The following CCDC22 variants were observed in gnomAD, a reference collection of about 807,000 sequenced individuals.
CCDC22 encodes coiled-coil domain-containing protein 22.
A neutral mutation model predicts 53.1 loss-of-function variants in CCDC22; 4 were observed. That is an observed-to-expected ratio of 0.08 (90% CI 0.04 to 0.17). The LOEUF is 0.17. Ranked by LOEUF, CCDC22 falls within the 10% of genes least tolerant of loss-of-function variation. The pLI, the probability that CCDC22 is intolerant of heterozygous loss-of-function variation, is 1.00. For synonymous variants in CCDC22, 222 were observed against 224.4 expected (o/e 0.99, Z 0.10); for missense variants, 458 against 554.0 (o/e 0.83, Z 1.74).
rs782234646 is a variant in CCDC22 at position 49,248,636 on chromosome X, G to C, written c.1333G>C (p.Glu445Gln). 5 of 1,207,466 alleles carry C rather than the reference G, an allele frequency of 4.1e-6. No individual in the cohort carries two copies. Among genetic ancestry groups the C allele is most frequent in the Non-Finnish European group, 5.6e-6 (5 of 894,056 alleles). ...LRKLQDCREL[E>Q]SSRRLAEIQE... Reference sequence around the variant, plus strand: ...TCTGCCTGTGGGCTCATGGCAGCTGGAATCTTCTCGACGGCTGGCAGAGAT... The same window carrying C: ...TCTGCCTGTGGGCTCATGGCAGCTGCAATCTTCTCGACGGCTGGCAGAGAT... The change falls in exon 12 of 17, where the codon GAA becomes CAA. Residue 445 changes from glutamate (E) to glutamine (Q), a missense_variant. This residue lies in a region of CCDC22 where 309 missense variants were observed against 312.3 expected (regional missense o/e 0.99). Transcript: ENST00000376227.
chrX:49,247,724 G>A lies in CCDC22; in HGVS notation c.1048G>A (p.Glu350Lys). 1 of 1,210,746 alleles carries A rather than the reference G, an allele frequency of 8.3e-7. No individual in the cohort carries two copies. Among genetic ancestry groups the A allele is most frequent in the Non-Finnish European group, 1.1e-6 (1 of 894,948 alleles). Reference protein sequence around the residue: ...QLEGVNRSIEEVEADMKTLGV... With the variant: ...QLEGVNRSIEKVEADMKTLGV... ...GGAAGGAGTGAACCGCAGCATTGAG[G>A]AGGTTGAGGCCGACATGAAGACCCT... Residue 350 changes from glutamate to lysine, a missense_variant, in exon 9 of 17, where the codon GAG becomes AAG. Physicochemically the swap from Glu to Lys is moderately conservative, Grantham distance 56. Transcript: ENST00000376227.
rs1054080917 is a variant in CCDC22 at position 49,238,331 on chromosome X, G to C, written c.228+1068G>C. ...CCTGACCTCGTGATCTGCCCACCTC[G>C]GCCTCCCAAAGTGCTGAGATTACAG... On this transcript the variant is annotated intron_variant, in intron 2 of 16. Coordinates refer to ENST00000376227, the MANE Select transcript of CCDC22 (RefSeq NM_014008.5). Among the ~76,000 whole-genome samples the C allele has an allele frequency of 2.7e-5, 3 of 110,278 alleles. No individual in the cohort carries two copies. In the East Asian group the frequency reaches 8.7e-4, roughly 32 times the overall value.
chrX:49,238,075 CTTT>C (rs58787414), intron 2 of CCDC22, among the ~76,000 whole-genome samples: 3 of 84,360 alleles, frequency 3.6e-5, no homozygotes, highest in Non-Finnish European at 2.3e-5. Flanking sequence ...TTCTTTTTTT[CTTT>C]TTTTTTTTTT....
Position 49,242,074 on chromosome X carries a change from A to T in CCDC22, c.287A>T (p.Asp96Val). The T allele has an allele frequency of 8.3e-7, 1 of 1,209,248 alleles. No individual in the cohort carries two copies. Among genetic ancestry groups the T allele is most frequent in the Non-Finnish European group, 1.1e-6 (1 of 894,586 alleles). ...YQNFLYPSEPDLRDLLLFLAE... is the reference protein window; with the variant it reads ...YQNFLYPSEPVLRDLLLFLAE... ...AACTTCCTCTACCCCAGTGAGCCTG[A>T]CCTCCGAGACCTGCTTCTCTTCTTG... Residue 96 changes from aspartate to valine, a missense_variant, in exon 3 of 17, where the codon GAC becomes GTC. Asp to Val is a radical substitution (Grantham distance 152). Around this residue, in one of 4 missense-constraint regions of CCDC22, gnomAD observed 55 missense variants for 106.0 expected, o/e 0.52. Coordinates refer to ENST00000376227, the MANE Select transcript of CCDC22 (RefSeq NM_014008.5).
chrX:49,246,882 A>G lies in CCDC22; in HGVS notation c.866A>G (p.Lys289Arg), dbSNP rs2065993041. 2.5e-6 allele frequency: 3 copies of G among 1,199,561 alleles called. No individual in the cohort carries two copies. Among genetic ancestry groups the G allele is most frequent in the African/African-American group, 1.7e-5 (1 of 57,352 alleles). ...WGAGAKTGAPKGSRFTHSEKF... is the reference protein window; with the variant it reads ...WGAGAKTGAPRGSRFTHSEKF... Reference sequence around the variant, plus strand: ...GCTGGGGCCAAGACTGGTGCTCCTAAGGGCTCCCGCTTCACGCACTCAGAG... The same window carrying G: ...GCTGGGGCCAAGACTGGTGCTCCTAGGGGCTCCCGCTTCACGCACTCAGAG... The change falls in exon 7 of 17, where the codon AAG (lysine) becomes AGG (arginine). Residue 289 changes from lysine to arginine, a missense_variant. Physicochemically the swap from Lys to Arg is conservative, Grantham distance 26 (BLOSUM62 2). This residue lies in a region of CCDC22 where 309 missense variants were observed against 312.3 expected (regional missense o/e 0.99). Coordinates refer to ENST00000376227, the MANE Select transcript of CCDC22 (RefSeq NM_014008.5).
chrX:49,241,979 C>A, intron 2 of CCDC22, 37 bp from the exon 3 acceptor site: 1 of 1,206,454 alleles, frequency 8.3e-7, no homozygotes, highest in Non-Finnish European at 1.1e-6. Flanking sequence ...GCAGGAGGAC[C>A]CTGCCTGCTT....
At chrX:49,249,334 G>A in intron 14 of CCDC22, 72 bp downstream of exon 14, 5 of 967,308 alleles carry the variant, frequency 5.2e-6, no homozygotes, top group Non-Finnish European at 7.3e-6. Context: ...CTAATTGGCT[G>A]GCTGGGGTCC....
chrX:49,238,330 C>T (rs1450262777), intron 2 of CCDC22, among the ~76,000 whole-genome samples: 6 of 109,569 alleles, frequency 5.5e-5, no homozygotes, highest in African/African-American at 2.0e-4. Context: ...CTGCCCACCT[C>T]GGCCTCCCAA....
At chrX:49,248,066 G>A in intron 9 of CCDC22, 125 bp from the exon 10 acceptor site, 1 of 1,128,466 alleles carries the variant, frequency 8.9e-7, no homozygotes, top group Non-Finnish European at 1.2e-6. Context: ...GGGGATTAGG[G>A]GGTCCTCGGG....
intron 1 of CCDC22, 84 bp from the exon 2 acceptor site, chrX:49,237,002 A>C: frequency 3.4e-6 from 3 of 879,874 alleles, no homozygotes; most frequent in Non-Finnish European, 4.9e-6. Flanking sequence ...CGACCCTGGT[A>C]CTAGTGTTTC....
intron 6 of CCDC22, among the ~76,000 whole-genome samples, chrX:49,245,171 T>C (rs782479909): frequency 9.2e-6 from 1 of 109,064 alleles, no homozygotes; most frequent in Non-Finnish European, 1.9e-5. Flanking sequence ...CTGTCCCCTC[T>C]TCCTCTCTGT....
chrX:49,235,618 A>C lies in CCDC22; in HGVS notation c.-19A>C, dbSNP rs1557112515. ...GACCCGGTCCTGGACCCAGCCCCCGACTCCGACACGGCTCCACCATGGAGG... is the reference window on the plus strand; with the variant it reads ...GACCCGGTCCTGGACCCAGCCCCCGCCTCCGACACGGCTCCACCATGGAGG... On this transcript the variant is annotated 5_prime_UTR_variant, in exon 1 of 17. Transcript: ENST00000376227. 1 of 1,169,637 alleles carries C rather than the reference A, an allele frequency of 8.5e-7. No individual in the cohort carries two copies. The highest frequency in any genetic ancestry group is 1.1e-6 in the Non-Finnish European group (1 of 873,966).
Position 49,235,686 on chromosome X carries a change from C to T in CCDC22, c.50C>T (p.Thr17Met). 6.8e-6 allele frequency: 8 copies of T among 1,184,654 alleles called. No homozygotes were observed. The highest frequency in any genetic ancestry group is 1.8e-5 in the African/African-American group (1 of 56,939). Reference sequence around the variant, plus strand: ...ATCCATTCGCTGCGCCAGGCCGGCACGTAAGGACAGAGCCCCCGCCCACCC... The same window carrying T: ...ATCCATTCGCTGCGCCAGGCCGGCATGTAAGGACAGAGCCCCCGCCCACCC... ...ILIHSLRQAG[T>M]AVPPDVQTLR... Residue 17 changes from threonine to methionine, a missense_variant and splice_region_variant, in exon 1 of 17, where the codon ACG becomes ATG. By Grantham distance (81) the Thr-to-Met change is moderately conservative (BLOSUM62 -1). Around this residue, in one of 4 missense-constraint regions of CCDC22, gnomAD observed 55 missense variants for 106.0 expected, o/e 0.52. Coordinates refer to ENST00000376227, the MANE Select transcript of CCDC22 (RefSeq NM_014008.5).
rs953685370 is a variant in CCDC22 at position 49,246,962 on chromosome X, C to T, written c.909+37C>T. 1.5e-5 allele frequency: 17 copies of T among 1,100,168 alleles called. No individual in the cohort carries two copies. In the African/African-American group the frequency reaches 1.8e-4, roughly 12 times the overall value. 90.7% of individuals were successfully genotyped at this position (1,100,168 alleles called of 1,213,427 possible). On this transcript the variant is annotated intron_variant, in intron 7 of 16. Coordinates refer to ENST00000376227, the MANE Select transcript of CCDC22 (RefSeq NM_014008.5). ...TGAGGACATGAGATGTGTGGATGGG[C>T]GTGGCAGGCTTGGAGGGTGGCTTTT...
At chrX:49,238,021 G>T (rs1373139694) in intron 2 of CCDC22, among the ~76,000 whole-genome samples, 4 of 108,377 alleles carry the variant, frequency 3.7e-5, no homozygotes, top group Admixed American at 3.0e-4. Flanking sequence ...GCCTCCCAAA[G>T]TGCTGGGATT....
chrX:49,238,631 G>T (rs1472896852), intron 2 of CCDC22, among the ~76,000 whole-genome samples: 2 of 112,300 alleles, frequency 1.8e-5, no homozygotes, highest in East Asian at 2.8e-4. Context: ...TTGCTATATT[G>T]CCCAGGCTGG....
At chrX:49,249,611 G>GGGGCCCCC in intron 15 of CCDC22, 40 bp from the exon 16 acceptor site, 1 of 1,176,460 alleles carries the variant, frequency 8.5e-7, no homozygotes, top group Non-Finnish European at 1.2e-6. Flanking sequence ...CTGGGGGTGG[G>GGGGCCCCC]TGGGACTGGG....
rs1022482497 is a variant in CCDC22 at position 49,249,423 on chromosome X, G to C, written c.1636-86G>C. The C allele has an allele frequency of 4.2e-6, 4 of 948,810 alleles. No homozygotes were observed. In the African/African-American group the frequency reaches 7.7e-5, roughly 18 times the overall value. The allele number at this position is 948,810 out of a possible 1,213,427, so 78.2% of individuals were successfully genotyped here. ...GTTTCATGGAGGATGAAGCTAGTGG[G>C]GTGGTGGGAGAGGGTGGCCTTCTTA... On this transcript the variant is annotated intron_variant, in intron 14 of 16. Transcript: ENST00000376227.
chrX:49,249,254 G>T lies in CCDC22; in HGVS notation c.1627G>T (p.Val543Leu). The change falls in exon 14 of 17, where the codon GTG becomes TTG. Residue 543 changes from valine (V) to leucine (L), a missense_variant. Around this residue, in one of 4 missense-constraint regions of CCDC22, gnomAD observed 48 missense variants for 83.4 expected, o/e 0.58. Transcript: ENST00000376227. ...GACGTTTGCGGTGACTGATGAGCTT[G>T]TGTTCAAGGTGTGGGGCAGGTTGGG... Reference protein sequence around the residue: ...DRTFAVTDELVFKDAKKDDAV... With the variant: ...DRTFAVTDELLFKDAKKDDAV... 4 of 1,202,241 alleles carry T rather than the reference G, an allele frequency of 3.3e-6. No individual in the cohort carries two copies. Among genetic ancestry groups the T allele is most frequent in the Non-Finnish European group, 4.5e-6 (4 of 886,887 alleles).
Sources: allele counts gnomAD v4.1 joint callset (sites outside exome capture counted in the v4.1 genomes callset), GRCh38; gene constraint gnomAD v4.1.1; regional missense constraint gnomAD v4.1.1; transcripts MANE v1.5; gene names NCBI Gene and HGNC (gene_info 2026-07-23, HGNC 2026-07-21).